The following PPEF1 variants were observed in gnomAD, a reference collection of about 807,000 sequenced individuals.
PPEF1 encodes protein phosphatase with EF-hand domain 1.
In PPEF1, 12 loss-of-function variants were observed where a neutral mutation model predicts 53.3. That is an observed-to-expected ratio of 0.23 (90% CI 0.14 to 0.36). The LOEUF (loss-of-function observed/expected upper bound fraction) is 0.36. Among genes scored for constraint, PPEF1 ranks in the 10% least tolerant of loss-of-function variants. The pLI, the probability that PPEF1 is intolerant of heterozygous loss-of-function variation, is 1.00. For synonymous variants in PPEF1, 165 were observed against 176.7 expected (o/e 0.93, Z 0.52); for missense variants, 334 against 490.4 (o/e 0.68, Z 3.01).
intron 2 of PPEF1, among the ~76,000 whole-genome samples, chrX:18,685,086 C>G (rs143464205): frequency 0.011 from 1,221 of 112,305 alleles, 15 homozygotes; most frequent in African/African-American, 0.037. Flanking sequence ...GTTACTCCCT[C>G]GACTCCCACA....
upstream of PPEF1, among the ~76,000 whole-genome samples, chrX:18,679,078 C>G (rs751288622): frequency 9.8e-5 from 11 of 111,961 alleles, no homozygotes; most frequent in East Asian, 3.1e-3. Context: ...CTCTCTTGAT[C>G]TGTTTTTCTT....
chrX:18,687,798 C>T (rs1280014166), intron 3 of PPEF1, among the ~76,000 whole-genome samples: 10 of 107,337 alleles, frequency 9.3e-5, no homozygotes, highest in African/African-American at 1.7e-4. Flanking sequence ...AAGTGATTCT[C>T]GTGCCTCAGC....
chrX:18,725,456 C>T (rs1018236530), intron 1 of PPEF1, among the ~76,000 whole-genome samples: 2 of 111,445 alleles, frequency 1.8e-5, no homozygotes, highest in Admixed American at 1.9e-4. Context: ...CTGGATCCGA[C>T]GACTGTTACC....
intron 3 of PPEF1, among the ~76,000 whole-genome samples, chrX:18,747,885 G>A (rs1028419610): frequency 8.9e-6 from 1 of 111,768 alleles, no homozygotes; most frequent in African/African-American, 3.3e-5. Flanking sequence ...TGTTTTTGCT[G>A]TTATTTGTTT....
intron 9 of PPEF1, among the ~76,000 whole-genome samples, chrX:18,788,260 G>A (rs1245099150): frequency 3.2e-5 from 3 of 93,908 alleles, no homozygotes; most frequent in East Asian, 3.3e-4. Context: ...AGCCGAGATC[G>A]CGCCACTGCA....
intron 6 of PPEF1, 55 bp from the exon 7 acceptor site, chrX:18,778,955 C>A: frequency 9.3e-7 from 1 of 1,074,443 alleles, no homozygotes; most frequent in Non-Finnish European, 1.3e-6. Context: ...CACGGCCTGA[C>A]TTTAAAAGTA....
At chrX:18,767,966 G>T (rs2045810422) in intron 6 of PPEF1, among the ~76,000 whole-genome samples, 1 of 111,073 alleles carries the variant, frequency 9.0e-6, no homozygotes, top group Non-Finnish European at 1.9e-5. Context: ...TTCTGTGATG[G>T]TCTTTGTTTC....
At chrX:18,743,456 T>C (rs1308658815) in intron 3 of PPEF1, among the ~76,000 whole-genome samples, 1 of 93,502 alleles carries the variant, frequency 1.1e-5, no homozygotes, top group Admixed American at 1.1e-4. Flanking sequence ...CTTTTTTTTT[T>C]TTTTTTTTTT....
intron 1 of PPEF1, among the ~76,000 whole-genome samples, chrX:18,720,829 G>A (rs1411252196): frequency 9.0e-6 from 1 of 110,661 alleles, no homozygotes; most frequent in African/African-American, 3.3e-5. Flanking sequence ...ATGCTTTGGT[G>A]TCTGAGTTCC....
At chrX:18,690,665 G>A (rs918737390) in intron 3 of PPEF1, among the ~76,000 whole-genome samples, 1 of 112,436 alleles carries the variant, frequency 8.9e-6, no homozygotes, top group Non-Finnish European at 1.9e-5. Flanking sequence ...ATGAGCCATC[G>A]TGCCTGGCCC....
At chrX:18,675,135 T>C (rs1928626763), upstream of PPEF1, among the ~76,000 whole-genome samples, 1 of 112,850 alleles carries the variant, frequency 8.9e-6, no homozygotes, top group African/African-American at 3.2e-5. Flanking sequence ...GGGCGGCTTG[T>C]CTTCCCTGCC....
chrX:18,724,342 A>G (rs1165794610), intron 1 of PPEF1, among the ~76,000 whole-genome samples: 1 of 112,020 alleles, frequency 8.9e-6, no homozygotes, highest in Non-Finnish European at 1.9e-5. Flanking sequence ...AGCACGAGGC[A>G]CAATGCCTGG....
chrX:18,733,129 C>G (rs1044410969), intron 2 of PPEF1, among the ~76,000 whole-genome samples: 1 of 111,293 alleles, frequency 9.0e-6, no homozygotes, highest in Non-Finnish European at 1.9e-5. Flanking sequence ...TCGCTTGATC[C>G]GGGGAGGCGG....
In PPEF1 at chrX:18,824,049, G is replaced by A; in HGVS notation, c.1628G>A (p.Ser543Asn). The change falls in exon 14 of 16, where the codon AGC (serine) becomes AAC (asparagine). Residue 543 changes from serine to asparagine, a missense_variant. Physicochemically the swap from Ser to Asn is conservative, Grantham distance 46 (BLOSUM62 1). Transcript: ENST00000470157. ...DQNGNVEYMS[S>N]FQNIRIEKPV... Reference sequence around the variant, plus strand: ...AATGGAAACGTTGAATACATGTCCAGCTTCCAGAATATCCGCATTGAAAAA... The same window carrying A: ...AATGGAAACGTTGAATACATGTCCAACTTCCAGAATATCCGCATTGAAAAA... 8.3e-7 allele frequency: 1 copy of A among 1,204,628 alleles called. No individual in the cohort carries two copies. Among genetic ancestry groups the A allele is most frequent in the Non-Finnish European group, 1.1e-6 (1 of 890,609 alleles).
chrX:18,729,193 G>A (rs1006259587), intron 1 of PPEF1, among the ~76,000 whole-genome samples: 5 of 111,884 alleles, frequency 4.5e-5, no homozygotes, highest in Non-Finnish European at 9.4e-5. Context: ...AACTCTGTGA[G>A]GGAGGGGGTG....
intron 15 of PPEF1, 55 bp downstream of exon 15, chrX:18,825,890 TTGGGG>T: frequency 1.1e-6 from 1 of 880,901 alleles, no homozygotes; most frequent in Non-Finnish European, 1.6e-6. Context: ...TGTGTGTATG[TTGGGG>T]ATACAAAATG....
chrX:18,785,445 GT>G (rs1362088201), intron 9 of PPEF1, among the ~76,000 whole-genome samples: 2 of 111,256 alleles, frequency 1.8e-5, no homozygotes, highest in Non-Finnish European at 3.8e-5. Flanking sequence ...TGAATAGAAA[GT>G]TTTTTACAGC....
intron 6 of PPEF1, among the ~76,000 whole-genome samples, chrX:18,771,674 G>GA (rs2045871979): frequency 9.0e-6 from 1 of 111,386 alleles, no homozygotes; most frequent in African/African-American, 3.3e-5. Context: ...CCATACAGTT[G>GA]AAAATCCACA....
intron 1 of PPEF1, among the ~76,000 whole-genome samples, chrX:18,717,004 C>T (rs913520383): frequency 1.8e-5 from 2 of 108,823 alleles, no homozygotes; most frequent in Non-Finnish European, 3.8e-5. Flanking sequence ...CTGCTCATTC[C>T]GCTAGCTATT....
Sources: gnomAD v4.1 joint callset for allele counts (sites outside exome capture counted in the v4.1 genomes callset) on GRCh38, gnomAD v4.1.1 for gene constraint, MANE v1.5 for transcripts, NCBI Gene and HGNC (gene_info 2026-07-23, HGNC 2026-07-21) for gene names.